Variants in NALF1 observed in about 807,000 individuals in gnomAD.
NALF1 encodes NALCN channel auxiliary factor 1, also known as family with sequence similarity 155 member A.
A neutral mutation model predicts 48.4 loss-of-function variants in NALF1; 3 were observed. The observed-to-expected ratio is 0.06, with a 90% CI of 0.03 to 0.16. The LOEUF (loss-of-function observed/expected upper bound fraction) is 0.16, where lower values mean the gene tolerates loss of function less well. Ranked by LOEUF, NALF1 falls within the 10% of genes least tolerant of loss-of-function variation. The pLI is 1.00. For synonymous variants in NALF1, 262 were observed against 245.7 expected, an observed-to-expected ratio of 1.07 and a Z score of -0.62; for missense variants, 526 against 571.5, an observed-to-expected ratio of 0.92 and a Z score of 0.81.
chr13:107,327,358 C>G (rs1329409425), intron 1 of NALF1, among the ~76,000 whole-genome samples: 1 of 152,132 alleles, frequency 6.6e-6, no homozygotes, highest in Non-Finnish European at 1.5e-5. Flanking sequence ...CATTCTTCCA[C>G]CTTGCAGCTC....
At chr13:107,229,491 T>C (rs1594080152) in intron 1 of NALF1, among the ~76,000 whole-genome samples, 1 of 152,198 alleles carries the variant, frequency 6.6e-6, no homozygotes, top group Non-Finnish European at 1.5e-5. Context: ...TTTATATAAC[T>C]GTTATTATGC....
intron 1 of NALF1, among the ~76,000 whole-genome samples, chr13:107,632,056 C>A (rs139264597): frequency 1.3e-3 from 199 of 152,144 alleles, no homozygotes; most frequent in African/African-American, 4.4e-3. Context: ...GTAAATTATA[C>A]CTATTGTATT....
intron 1 of NALF1, among the ~76,000 whole-genome samples, chr13:107,837,340 T>C (rs1020389088): frequency 1.3e-5 from 2 of 152,234 alleles, no homozygotes; most frequent in African/African-American, 4.8e-5. Flanking sequence ...TCAGATGTTA[T>C]TATGCTTGGG....
chr13:107,194,004 TATCTTATC>T (rs1186423158), intron 2 of NALF1, among the ~76,000 whole-genome samples: 2 of 142,200 alleles, frequency 1.4e-5, no homozygotes, highest in East Asian at 2.1e-4. Context: ...TATACCTATC[TATCTTATC>T]TATCTATCTA....
rs151211086 is a variant in NALF1 at position 107,749,965 on chromosome 13, G to A, written c.915+115717C>T. 4.1e-3 allele frequency among the ~76,000 whole-genome samples: 618 copies of A among 152,074 alleles called. 4 individuals are homozygous for A. The highest frequency in any genetic ancestry group is 0.014 in the African/African-American group (580 of 41,482). On this transcript the variant is annotated intron_variant, in intron 1 of 2. Transcript: ENST00000375915. ...CTCCCAAGTAGCTGGGACTACAGGC[G>A]TACGCGACAGTGCCCGGCTAATTTT... is the stretch of plus-strand genomic sequence containing the variant.
At chr13:107,783,884 A>G (rs960608118) in intron 1 of NALF1, among the ~76,000 whole-genome samples, 4 of 151,802 alleles carry the variant, frequency 2.6e-5, no homozygotes, top group African/African-American at 9.7e-5. Context: ...AAAAAAAAAA[A>G]AAAAAAGAAA....
In NALF1 at chr13:107,362,145, C is replaced by T. The variant is rs983546323; in HGVS notation, c.916-151390G>A. On this transcript the variant is annotated intron_variant, in intron 1 of 2. Coordinates refer to ENST00000375915, the MANE Select transcript of NALF1 (RefSeq NM_001080396.3). The surrounding 1 kb of genome is among the most constrained non-coding windows in gnomAD (Gnocchi z 4.6). ...TGAAATTTGGGGGCTGGTTGTTACTCGAAAATAATCTACCCTTATTGACTG... is the reference window on the plus strand; with the variant it reads ...TGAAATTTGGGGGCTGGTTGTTACTTGAAAATAATCTACCCTTATTGACTG... 3.9e-5 allele frequency among the ~76,000 whole-genome samples: 6 copies of T among 152,014 alleles called. No homozygotes were observed. In the East Asian group the frequency reaches 5.8e-4, roughly 15 times the overall value.
intron 1 of NALF1, among the ~76,000 whole-genome samples, chr13:107,616,795 G>A (rs1231530055): frequency 6.6e-6 from 1 of 152,112 alleles, no homozygotes; most frequent in Non-Finnish European, 1.5e-5. Flanking sequence ...ACAGTGCATT[G>A]AGCATGGCCA....
At chr13:107,640,971 G>A (rs989713514) in intron 1 of NALF1, among the ~76,000 whole-genome samples, 7 of 152,172 alleles carry the variant, frequency 4.6e-5, no homozygotes, top group Admixed American at 2.0e-4. Flanking sequence ...TGTCAGAGAT[G>A]TCTGCACTCC....
At chr13:107,697,828 T>A (rs796231125) in intron 1 of NALF1, among the ~76,000 whole-genome samples, 2 of 152,296 alleles carry the variant, frequency 1.3e-5, no homozygotes, top group African/African-American at 4.8e-5. Flanking sequence ...ATTTCAACCT[T>A]CGTTTAGCAA....
intron 1 of NALF1, among the ~76,000 whole-genome samples, chr13:107,706,630 G>A (rs559222037): frequency 1.4e-4 from 21 of 151,988 alleles, no homozygotes; most frequent in Admixed American, 9.2e-4. Context: ...AAGCACTGTC[G>A]CTCAGAGAAA....
intron 2 of NALF1, among the ~76,000 whole-genome samples, chr13:107,207,819 T>C (rs1879675713): frequency 6.6e-6 from 1 of 152,218 alleles, no homozygotes; most frequent in Admixed American, 6.5e-5. Flanking sequence ...CTAGTTCTTT[T>C]ATTTTTAATT....
At chr13:107,769,904 C>CTTTGTTTTGT (rs142279201) in intron 1 of NALF1, among the ~76,000 whole-genome samples, 1 of 151,430 alleles carries the variant, frequency 6.6e-6, no homozygotes, top group African/African-American at 2.4e-5. Context: ...ATTTTTTTTG[C>CTTTGTTTTGT]TTTGTTTTGT....
intron 1 of NALF1, among the ~76,000 whole-genome samples, chr13:107,350,460 C>A (rs891978450): frequency 6.6e-6 from 1 of 152,160 alleles, no homozygotes; most frequent in Admixed American, 6.5e-5. Context: ...AAACCCGTTG[C>A]TAGTCCTCTT....
At chr13:107,658,660 T>C (rs1880648578) in intron 1 of NALF1, among the ~76,000 whole-genome samples, 1 of 152,126 alleles carries the variant, frequency 6.6e-6, no homozygotes, top group Non-Finnish European at 1.5e-5. Flanking sequence ...CAAATTTTCA[T>C]TCTTGTAGCT....
rs1473955677 is a variant in NALF1 at position 107,440,935 on chromosome 13, C to A, written c.916-230180G>T. 1.3e-5 allele frequency among the ~76,000 whole-genome samples: 2 copies of A among 152,108 alleles called. 1 individual carries two copies. Among genetic ancestry groups the A allele is most frequent in the South Asian group, 4.1e-4 (2 of 4,830 alleles). ...TAAACAAGACCGCCCCTCTCTTTAACCAAAGCAAGCTGGTCACGAGATTGC... is the reference window on the plus strand; with the variant it reads ...TAAACAAGACCGCCCCTCTCTTTAAACAAAGCAAGCTGGTCACGAGATTGC... On this transcript the variant is annotated intron_variant, in intron 1 of 2. Coordinates refer to ENST00000375915, the MANE Select transcript of NALF1 (RefSeq NM_001080396.3).
intron 1 of NALF1, among the ~76,000 whole-genome samples, chr13:107,216,583 A>C (rs1300428091): frequency 2.0e-5 from 3 of 152,096 alleles, no homozygotes; most frequent in African/African-American, 7.2e-5. Flanking sequence ...CTGAAGTAAA[A>C]CGCAAATGTC....
At chr13:107,175,807 C>T (rs1878915258) in intron 2 of NALF1, among the ~76,000 whole-genome samples, 1 of 152,294 alleles carries the variant, frequency 6.6e-6, no homozygotes, top group African/African-American at 2.4e-5. Context: ...GCATTCCTCC[C>T]GGACACTGCC....
intron 1 of NALF1, among the ~76,000 whole-genome samples, chr13:107,830,853 C>T (rs1215550958): frequency 6.6e-6 from 1 of 152,178 alleles, no homozygotes. Context: ...GGAATTAAGA[C>T]TTACTCATAT....
Sources: gnomAD v4.1 joint callset for allele counts (sites outside exome capture counted in the v4.1 genomes callset) on GRCh38, gnomAD v4.1.1 for gene constraint, Gnocchi (gnomAD v3.1) non-coding constraint, MANE v1.5 for transcripts, NCBI Gene and HGNC (gene_info 2026-07-23, HGNC 2026-07-21) for gene names.